Variants in GREM2 observed in about 807,000 individuals in gnomAD.
GREM2 encodes the protein gremlin-2.
GREM2 carries 11 observed loss-of-function variants against 14.2 expected under a neutral mutation model. That is an observed-to-expected ratio of 0.78 (90% CI 0.49 to 1.28). GREM2 has a LOEUF of 1.28. Ranked by LOEUF, GREM2 falls within the 50% of genes most tolerant of loss-of-function variation. The pLI, the probability that GREM2 is intolerant of heterozygous loss-of-function variation, is 0.00. For missense variants in GREM2, 210 were observed against 218.5 expected (o/e 0.96, Z 0.24); for synonymous variants, 98 against 97.6 (o/e 1.00, Z -0.02).
chr1:240,497,555 G>A (rs1435839527), intron 1 of GREM2, among the ~76,000 whole-genome samples: 1 of 151,394 alleles, frequency 6.6e-6, no homozygotes, highest in Non-Finnish European at 1.5e-5. Flanking sequence ...TCCTCAGGGC[G>A]ATGATATGGG....
chr1:240,579,244 A>G (rs563494652), intron 1 of GREM2, among the ~76,000 whole-genome samples: 1 of 152,334 alleles, frequency 6.6e-6, no homozygotes, highest in African/African-American at 2.4e-5. Flanking sequence ...AGGTTGTAAC[A>G]TCAACTTTGC....
At chr1:240,509,445 T>C (rs941014716) in intron 1 of GREM2, among the ~76,000 whole-genome samples, 2 of 149,206 alleles carry the variant, frequency 1.3e-5, no homozygotes, top group Non-Finnish European at 3.0e-5. Context: ...CTTGGCTCAC[T>C]GCAACCTCTG....
At chr1:240,607,528 C>A (rs1342503632) in intron 1 of GREM2, among the ~76,000 whole-genome samples, 2 of 152,156 alleles carry the variant, frequency 1.3e-5, no homozygotes, top group Admixed American at 1.3e-4. Flanking sequence ...TTTGAAGACA[C>A]ATATTTCTGC....
At chr1:240,501,282 A>T (rs1677564356) in intron 1 of GREM2, among the ~76,000 whole-genome samples, 1 of 152,248 alleles carries the variant, frequency 6.6e-6, no homozygotes, top group Non-Finnish European at 1.5e-5. Context: ...AGGGCATCCC[A>T]CATGACTCAG....
At chr1:240,574,534 T>C (rs1679322524) in intron 1 of GREM2, among the ~76,000 whole-genome samples, 1 of 151,922 alleles carries the variant, frequency 6.6e-6, no homozygotes, top group Non-Finnish European at 1.5e-5. Flanking sequence ...TAAGGAGAAA[T>C]GTTTGCAGAA....
At chr1:240,525,850 TCAA>T (rs959091040) in intron 1 of GREM2, among the ~76,000 whole-genome samples, 3 of 152,216 alleles carry the variant, frequency 2.0e-5, no homozygotes, top group Non-Finnish European at 1.5e-5. Context: ...AATCAAGATG[TCAA>T]CAGGGATGTG....
chr1:240,593,667 T>C (rs533993805), intron 1 of GREM2, among the ~76,000 whole-genome samples: 1 of 152,306 alleles, frequency 6.6e-6, no homozygotes, highest in South Asian at 2.1e-4. Context: ...GACTCTGAGC[T>C]TCATGGCGGA....
chr1:240,594,176 A>G lies in GREM2; in HGVS notation c.-2+17708T>C, dbSNP rs537902042. 4.6e-5 allele frequency among the ~76,000 whole-genome samples: 7 copies of G among 152,092 alleles called. No homozygotes were observed. In the South Asian group the frequency reaches 1.5e-3, roughly 32 times the overall value. On this transcript the variant is annotated intron_variant, in intron 1 of 1. Coordinates refer to ENST00000318160, the MANE Select transcript of GREM2 (RefSeq NM_022469.4). ...GCCAAGTTTCCCAGGCTGGTCTTGA[A>G]CTACTGGGCTCAAGTGATCCTCCTG...
chr1:240,506,411 G>T (rs367607240), intron 1 of GREM2, among the ~76,000 whole-genome samples: 7 of 152,052 alleles, frequency 4.6e-5, no homozygotes, highest in African/African-American at 7.2e-5. Context: ...TGGTTTCGTC[G>T]GTGTTAAGTC....
rs188452672 is a variant in GREM2 at position 240,551,469 on chromosome 1, C to T, written c.-1-57993G>A. Among the ~76,000 whole-genome samples the T allele has an allele frequency of 9.9e-5, 15 of 152,278 alleles. No homozygotes were observed. In the East Asian group the frequency reaches 2.5e-3, roughly 26 times the overall value. ...GTTCAAGCAGTTCTCCTGCCTCAGC[C>T]TCCTGAGTAGCTGGGACTACAGGCA... is the stretch of plus-strand genomic sequence containing the variant. On this transcript the variant is annotated intron_variant, in intron 1 of 1. Transcript: ENST00000318160.
intron 1 of GREM2, among the ~76,000 whole-genome samples, chr1:240,504,895 T>A (rs1379088717): frequency 1.3e-5 from 2 of 152,186 alleles, no homozygotes; most frequent in Non-Finnish European, 2.9e-5. Context: ...TGAACACATT[T>A]CCTTAGTATA....
intron 1 of GREM2, among the ~76,000 whole-genome samples, chr1:240,512,961 G>A (rs4269762): frequency 6.6e-6 from 1 of 151,544 alleles, no homozygotes; most frequent in South Asian, 2.1e-4. Context: ...CAGGTGCAGT[G>A]GTGGGTACTA....
intron 1 of GREM2, among the ~76,000 whole-genome samples, chr1:240,554,368 G>A (rs552453722): frequency 6.0e-5 from 9 of 148,898 alleles, no homozygotes; most frequent in African/African-American, 1.7e-4. Context: ...CTGAGACCCC[G>A]CCACTGCACT....
intron 1 of GREM2, among the ~76,000 whole-genome samples, chr1:240,509,480 T>C (rs1338631404): frequency 6.6e-6 from 1 of 151,306 alleles, no homozygotes; most frequent in Non-Finnish European, 1.5e-5. Context: ...GCGATTCTCC[T>C]GCCTCAGCCT....
intron 1 of GREM2, chr1:240,588,622 A>C (rs1363448937): frequency 6.6e-6 from 1 of 152,210 alleles, no homozygotes; most frequent in Non-Finnish European, 1.5e-5. Flanking sequence ...GTGCAAGGTC[A>C]CGCAGCTAAT....
intron 1 of GREM2, among the ~76,000 whole-genome samples, chr1:240,547,369 G>A (rs55906637): frequency 0.34 from 51,121 of 150,838 alleles, 8,857 homozygotes; most frequent in East Asian, 0.43. Flanking sequence ...GCGTGGTGGC[G>A]GGCGCCTGTA....
intron 1 of GREM2, among the ~76,000 whole-genome samples, chr1:240,545,354 G>A (rs948204198): frequency 7.9e-5 from 12 of 152,208 alleles, no homozygotes; most frequent in African/African-American, 1.4e-4. Context: ...GAAGCTCCAC[G>A]CCTCTTCGTG....
intron 1 of GREM2, among the ~76,000 whole-genome samples, chr1:240,502,574 C>T (rs1572366542): frequency 6.6e-6 from 1 of 152,182 alleles, no homozygotes; most frequent in African/African-American, 2.4e-5. Flanking sequence ...ACTCAACTGC[C>T]TATCAAACAT....
chr1:240,510,369 CAAAAAAAAAAAAAAAAAAAA>C (rs71170753), intron 1 of GREM2, among the ~76,000 whole-genome samples: 2 of 59,540 alleles, frequency 3.4e-5, no homozygotes, highest in African/African-American at 1.2e-4. Context: ...GACTCCGTCG[CAAAAAAAAAAAAAAAAAAAA>C]AAAAAAAAAA....
Sources: allele counts gnomAD v4.1 joint callset (sites outside exome capture counted in the v4.1 genomes callset), GRCh38; gene constraint gnomAD v4.1.1; transcripts MANE v1.5; gene names NCBI Gene and HGNC (gene_info 2026-07-23, HGNC 2026-07-21).